PTCH1: variants seen among roughly 807,000 people sequenced by gnomAD.
PTCH1 encodes patched 1.
PTCH1 carries 14 observed loss-of-function variants against 144.6 expected under a neutral mutation model. That is an observed-to-expected ratio of 0.10 (90% CI 0.06 to 0.15). The LOEUF is 0.15. Ranked by LOEUF, PTCH1 falls within the 10% of genes least tolerant of loss-of-function variation. PTCH1 has a pLI of 1.00. For missense variants in PTCH1, 1,623 were observed against 1,948.3 expected, an observed-to-expected ratio of 0.83 and a Z score of 3.14; for synonymous variants, 833 against 793.6, an observed-to-expected ratio of 1.05 and a Z score of -0.83.
rs757101018 is a variant in PTCH1 at position 95,456,357 on chromosome 9, T to A, written c.3225A>T (p.Gly1075=). The change falls in exon 19 of 24, where the codon GGA becomes GGT. Residue 1075 remains glycine, a synonymous_variant. Coordinates refer to ENST00000331920, the MANE Select transcript of PTCH1 (RefSeq NM_000264.5). ...CCACGGGCACGGCACTGAGCTTGAT[T>A]CCGATGAGGCCCATCATGCCGAACA... is the stretch of plus-strand genomic sequence containing the variant. ...VELFGMMGLI[G]IKLSAVPVVI... 1.2e-6 allele frequency: 2 copies of A among 1,614,062 alleles called. No homozygotes were observed. Among genetic ancestry groups the A allele is most frequent in the Non-Finnish European group, 1.7e-6 (2 of 1,180,028 alleles).
exon 1 of PTCH1, chr9:95,516,661 T>TTTCTTCTCCTCCGTTTTCTTCTTC (rs1329975866): frequency 8.7e-6 from 14 of 1,612,464 alleles, no homozygotes; most frequent in Non-Finnish European, 1.1e-5. Flanking sequence ...CTGTCGTCTT[T>TTTCTTCTCCTCCGTTTTCTTCTTC]TTCTTCTCCT....
chr9:95,472,244 G>A (rs1004905419), intron 12 of PTCH1, among the ~76,000 whole-genome samples: 2 of 152,178 alleles, frequency 1.3e-5, no homozygotes, highest in African/African-American at 4.8e-5. Flanking sequence ...GGTTCTCACT[G>A]CTCTTGACAG....
rs2118051843 is a variant in PTCH1, at chr9:95,469,057, G to A, written c.1944C>T (p.His648=). Residue 648 remains histidine, a synonymous_variant, in exon 14 of 24, where the codon CAC becomes CAT. Transcript: ENST00000331920. ...RYSPPPPYSS[H]SFAHETQITM... ...TAATCTGCGTTTCATGGGCAAAGCT[G>A]TGGCTGCTGTAGGGAGGTGGGGGGC... 1 of 1,614,128 alleles carries A rather than the reference G, an allele frequency of 6.2e-7. No individual in the cohort carries two copies. The highest frequency in any genetic ancestry group is 1.7e-5 in the Admixed American group (1 of 60,030).
In PTCH1 at chr9:95,506,593, C is replaced by A; in HGVS notation, c.208G>T (p.Ala70Ser). 3 of 1,611,616 alleles carry A rather than the reference C, an allele frequency of 1.9e-6. No individual in the cohort carries two copies. Among genetic ancestry groups the A allele is most frequent in the Non-Finnish European group, 2.5e-6 (3 of 1,178,944 alleles). The change falls in exon 2 of 24, where the codon GCT (alanine) becomes TCT (serine). Residue 70 changes from alanine to serine, a missense_variant. This residue lies in a region of PTCH1 where 245 missense variants were observed against 240.6 expected (regional missense o/e 1.02). Coordinates refer to ENST00000331920, the MANE Select transcript of PTCH1 (RefSeq NM_000264.5). ...FALEQISKGK[A>S]TGRKAPLWLR... ...CACAGCGGCGCTTTCCGGCCAGTAG[C>A]CTTCCCCTGGGGACGAAGCAGAAGG...
chr9:95,514,621 G>GGTGTGTGTGTGTGT (rs3222829), intron 1 of PTCH1: 7 of 148,666 alleles, frequency 4.7e-5, no homozygotes, highest in African/African-American at 1.7e-4. Context: ...GAAAATAAAA[G>GGTGTGTGTGTGTGT]GTGTGTGTGT....
chr9:95,447,335 G>T lies in PTCH1; in HGVS notation c.3921C>A (p.Pro1307=), dbSNP rs766089412. 7 of 1,610,344 alleles carry T rather than the reference G, an allele frequency of 4.3e-6. No homozygotes were observed. Among genetic ancestry groups the T allele is most frequent in the Admixed American group, 3.3e-5 (2 of 59,974 alleles). ...AGGGGGGTGGCCACAAGCCTTCTCT[G>T]GGGGGGTCCCTGCGGGGCTGCTGGC... ...RQGQQPRRDP[P]REGLWPPPYR... is the part of the protein sequence containing the mutation. Residue 1307 remains proline, a synonymous_variant, in exon 23 of 24, where the codon CCC becomes CCA. Transcript: ENST00000331920.
At chr9:95,450,007 C>G in intron 20 of PTCH1, 67 bp from the exon 21 acceptor site, 1 of 1,404,764 alleles carries the variant, frequency 7.1e-7, no homozygotes, top group South Asian at 1.2e-5. Context: ...CTCCGTGTGC[C>G]CGACACAGCA....
At chr9:95,454,268 T>C (rs1194393201) in intron 19 of PTCH1, among the ~76,000 whole-genome samples, 2 of 152,190 alleles carry the variant, frequency 1.3e-5, no homozygotes, top group African/African-American at 4.8e-5. Flanking sequence ...GCAGAGTAAA[T>C]TCTGGAAGAT....
chr9:95,452,845 T>C (rs1838586059), intron 20 of PTCH1: 1 of 156,818 alleles, frequency 6.4e-6, no homozygotes, highest in Non-Finnish European at 1.4e-5. Flanking sequence ...GGAGCGTAGG[T>C]CAAATGTGGC....
At chr9:95,499,114 A>T (rs1842976288) in intron 2 of PTCH1, among the ~76,000 whole-genome samples, 1 of 152,064 alleles carries the variant, frequency 6.6e-6, no homozygotes, top group Non-Finnish European at 1.5e-5. Flanking sequence ...AGCACAGGGG[A>T]CCAAGACTTA....
rs1457697349 is a variant in PTCH1, at chr9:95,506,588, A to G, written c.213T>C (p.Thr71=). The G allele has an allele frequency of 3.0e-5, 49 of 1,611,782 alleles. No homozygotes were observed. Among genetic ancestry groups the G allele is most frequent in the Non-Finnish European group, 3.9e-5 (46 of 1,179,048 alleles). The change falls in exon 2 of 24, where the codon ACT becomes ACC. Residue 71 remains threonine, a synonymous_variant. Transcript: ENST00000331920. ...TCAGCCACAGCGGCGCTTTCCGGCC[A>G]GTAGCCTTCCCCTGGGGACGAAGCA... is the stretch of plus-strand genomic sequence containing the variant. ...ALEQISKGKA[T]GRKAPLWLRA...
chr9:95,504,265 A>G (rs886970274), intron 2 of PTCH1, among the ~76,000 whole-genome samples: 2 of 152,096 alleles, frequency 1.3e-5, no homozygotes, highest in African/African-American at 4.8e-5. Flanking sequence ...AGTCCATTGA[A>G]AAAGAAAAAC....
chr9:95,506,616 A>AG lies in PTCH1; in HGVS notation c.202-18dup. 1 of 1,588,408 alleles carries AG rather than the reference A, an allele frequency of 6.3e-7. No individual in the cohort carries two copies. The highest frequency in any genetic ancestry group is 8.6e-7 in the Non-Finnish European group (1 of 1,166,476). On this transcript the variant is annotated splice_polypyrimidine_tract_variant and intron_variant, in intron 1 of 23. Transcript: ENST00000331920. ...AGCCTTCCCCTGGGGACGAAGCAGA[A>AG]GGGAGGAGTGAGCGCCGGGGAGTCG...
chr9:95,510,002 T>TAAA (rs71498965), upstream of PTCH1, among the ~76,000 whole-genome samples: 3 of 138,638 alleles, frequency 2.2e-5, no homozygotes, highest in Admixed American at 7.2e-5. Flanking sequence ...CCCCCCAACT[T>TAAA]AAAAAAAAAA....
chr9:95,490,584 T>C, intron 2 of PTCH1, among the ~76,000 whole-genome samples: 1 of 148,532 alleles, frequency 6.7e-6, no homozygotes, highest in African/African-American at 2.5e-5. Context: ...GAGAGCTACT[T>C]GGTAGAGATA....
At chr9:95,450,114 G>T in intron 20 of PTCH1, 174 bp from the exon 21 acceptor site, 1 of 677,772 alleles carries the variant, frequency 1.5e-6, no homozygotes, top group Non-Finnish European at 2.7e-6. Flanking sequence ...TTTGCTTTTT[G>T]TTTCTTTACC....
chr9:95,495,693 A>T (rs959581951), intron 2 of PTCH1, among the ~76,000 whole-genome samples: 2 of 152,150 alleles, frequency 1.3e-5, no homozygotes, highest in Non-Finnish European at 2.9e-5. Context: ...CAGCAAGGAT[A>T]TCCCCCCATC....
At chr9:95,506,650 G>C (rs1334740584) in intron 1 of PTCH1, 51 bp from the exon 2 acceptor site, 3 of 1,510,642 alleles carry the variant, frequency 2.0e-6, no homozygotes, top group Non-Finnish European at 2.7e-6. Flanking sequence ...CGCGGCCCGC[G>C]CGCCCACGCC....
chr9:95,486,152 GAAAGGAAAACTTGAGA>G (rs1450113007), intron 2 of PTCH1, among the ~76,000 whole-genome samples: 1 of 152,118 alleles, frequency 6.6e-6, no homozygotes, highest in Non-Finnish European at 1.5e-5. Context: ...GTGGGGGGCA[GAAAGGAAAACTTGAGA>G]CACCTTTTCC....
Sources: gnomAD v4.1 joint callset for allele counts (sites outside exome capture counted in the v4.1 genomes callset) on GRCh38, gnomAD v4.1.1 for gene constraint, gnomAD v4.1.1 regional missense constraint, MANE v1.5 for transcripts, NCBI Gene and HGNC (gene_info 2026-07-23, HGNC 2026-07-21) for gene names.